NDST4: variants seen among roughly 807,000 people sequenced by gnomAD.
The protein encoded by NDST4 is N-deacetylase and N-sulfotransferase 4, also known as N-heparan sulfate sulfotransferase 4.
A neutral mutation model predicts 100.8 loss-of-function variants in NDST4; 63 were observed. The ratio of observed to expected loss-of-function variants is 0.62; its 90% confidence interval spans 0.51 to 0.77. NDST4 has a LOEUF of 0.77. Ranked by LOEUF, NDST4 falls within the 30% of genes least tolerant of loss-of-function variation. NDST4 has a pLI of 0.00. For synonymous variants in NDST4, 377 were observed against 361.8 expected, an observed-to-expected ratio of 1.04 and a Z score of -0.48; for missense variants, 943 against 1,018.4, an observed-to-expected ratio of 0.93 and a Z score of 1.01.
rs183778808 is a variant in NDST4, at chr4:114,979,639, T to C, written c.979-2365A>G. Among the ~76,000 whole-genome samples the C allele has an allele frequency of 5.3e-5, 8 of 152,088 alleles. No homozygotes were observed. The East Asian group carries it at 1.6e-3, about 30-fold the overall frequency. On this transcript the variant is annotated intron_variant, in intron 2 of 13. Coordinates refer to ENST00000264363, the MANE Select transcript of NDST4 (RefSeq NM_022569.3). ...TCTAGCATTTCACCAGGATGTTTTA[T>C]AACACAGATGTTTTATAGCCTTGTG... is the stretch of plus-strand genomic sequence containing the variant.
intron 2 of NDST4, among the ~76,000 whole-genome samples, chr4:115,011,870 G>A (rs1030375618): frequency 6.6e-6 from 1 of 151,834 alleles, no homozygotes; most frequent in Non-Finnish European, 1.5e-5. Flanking sequence ...AGTTCATGAA[G>A]CAGTGTTAAT....
rs1190747749 is a variant in NDST4, at chr4:115,060,175, T to A, written c.978+15884A>T. ...AGGGTAAGTGCTATATGGATGCCAATCAATGTGTTCCTTCTTTCTACAAAA... is the reference window on the plus strand; with the variant it reads ...AGGGTAAGTGCTATATGGATGCCAAACAATGTGTTCCTTCTTTCTACAAAA... On this transcript the variant is annotated intron_variant, in intron 2 of 13. Transcript: ENST00000264363. Among the ~76,000 whole-genome samples, 3 of 151,996 alleles carry A rather than the reference T, an allele frequency of 2.0e-5. 1 individual carries two copies. The highest frequency in any genetic ancestry group is 7.2e-5 in the African/African-American group (3 of 41,386).
intron 6 of NDST4, among the ~76,000 whole-genome samples, chr4:114,893,672 T>C (rs1030135303): frequency 6.6e-6 from 1 of 152,214 alleles, no homozygotes; most frequent in African/African-American, 2.4e-5. Flanking sequence ...TGCAAACATT[T>C]TGTCCCCTTC....
intron 2 of NDST4, among the ~76,000 whole-genome samples, chr4:115,034,130 G>A (rs1219763648): frequency 3.9e-5 from 6 of 151,976 alleles, no homozygotes; most frequent in South Asian, 4.2e-4. Context: ...GACCACACTC[G>A]GATCCTGCTT....
At chr4:114,889,096 T>C (rs1344219830) in intron 6 of NDST4, among the ~76,000 whole-genome samples, 1 of 152,186 alleles carries the variant, frequency 6.6e-6, no homozygotes, top group Non-Finnish European at 1.5e-5. Context: ...CTTGATGGTA[T>C]AAAATATACA....
At chr4:114,863,308 GC>G (rs1723955953) in intron 7 of NDST4, among the ~76,000 whole-genome samples, 1 of 152,166 alleles carries the variant, frequency 6.6e-6, no homozygotes, top group Non-Finnish European at 1.5e-5. Flanking sequence ...TTTTATTTAG[GC>G]CCTGCTGAAG....
chr4:114,968,727 G>A (rs1002744503), intron 4 of NDST4, among the ~76,000 whole-genome samples: 1 of 152,082 alleles, frequency 6.6e-6, no homozygotes, highest in Non-Finnish European at 1.5e-5. Context: ...GCTTACTTTT[G>A]ATTTGAATTA....
rs1578445022 is a variant in NDST4, at chr4:115,003,429, T to G, written c.979-26155A>C. On this transcript the variant is annotated intron_variant, in intron 2 of 13. Coordinates refer to ENST00000264363, the MANE Select transcript of NDST4 (RefSeq NM_022569.3). ...GATTACAAGGTCATCTCTCACCATG[T>G]TCCTAAACCTAGTGTCTATTATTCT... Among the ~76,000 whole-genome samples the G allele has an allele frequency of 2.0e-5, 3 of 152,158 alleles. No individual in the cohort carries two copies. The East Asian group carries it at 5.8e-4, about 29-fold the overall frequency.
At chr4:115,104,422 C>A (rs1298253127) in intron 1 of NDST4, among the ~76,000 whole-genome samples, 1 of 152,002 alleles carries the variant, frequency 6.6e-6, no homozygotes. Flanking sequence ...CTTCACCTAC[C>A]TCTCAGCTCT....
chr4:115,030,224 C>T (rs1351708892), intron 2 of NDST4, among the ~76,000 whole-genome samples: 1 of 152,110 alleles, frequency 6.6e-6, no homozygotes, highest in East Asian at 1.9e-4. Context: ...TGTCTACCAG[C>T]AAGCCAGAAG....
chr4:114,945,884 G>C (rs1048148702), intron 4 of NDST4, among the ~76,000 whole-genome samples: 8 of 152,158 alleles, frequency 5.3e-5, no homozygotes, highest in Non-Finnish European at 1.2e-4. Context: ...AATTGGCTGG[G>C]TGAGTCTTGA....
At chr4:114,964,268 GGCA>G (rs1256529744) in intron 4 of NDST4, among the ~76,000 whole-genome samples, 1 of 152,122 alleles carries the variant, frequency 6.6e-6, no homozygotes, top group East Asian at 1.9e-4. Flanking sequence ...ATGTGAGCTT[GGCA>G]GCAGGTCCAC....
At chr4:115,070,260 C>T (rs1260679374) in intron 2 of NDST4, among the ~76,000 whole-genome samples, 3 of 152,140 alleles carry the variant, frequency 2.0e-5, no homozygotes, top group Non-Finnish European at 4.4e-5. Context: ...ATATCCTCTG[C>T]AGGAACATGG....
At chr4:114,860,893 A>G (rs1251509538) in intron 7 of NDST4, among the ~76,000 whole-genome samples, 1 of 152,224 alleles carries the variant, frequency 6.6e-6, no homozygotes, top group Non-Finnish European at 1.5e-5. Flanking sequence ...CAAAATTTCA[A>G]GGAAAGCAAC....
chr4:115,052,503 T>C (rs1349317120), intron 2 of NDST4, among the ~76,000 whole-genome samples: 2 of 152,042 alleles, frequency 1.3e-5, no homozygotes, highest in Non-Finnish European at 2.9e-5. Flanking sequence ...AACTGAATCA[T>C]GGGGGCGAGT....
At chr4:114,960,013 G>A (rs896638212) in intron 4 of NDST4, among the ~76,000 whole-genome samples, 10 of 152,020 alleles carry the variant, frequency 6.6e-5, no homozygotes, top group African/African-American at 2.4e-4. Flanking sequence ...GAAAACAAAG[G>A]CAATCAGCAA....
chr4:114,929,066 GTCCGTCCGTCCATCCATCCATCCA>G (rs1476296956), intron 6 of NDST4, among the ~76,000 whole-genome samples: 1 of 99,204 alleles, frequency 1.0e-5, no homozygotes, highest in South Asian at 4.0e-4. Flanking sequence ...CCGTCCGTCC[GTCCGTCCGTCCATCCATCCATCCA>G]TCCATCCATC....
intron 7 of NDST4, among the ~76,000 whole-genome samples, chr4:114,857,296 A>T (rs929408207): frequency 1.3e-5 from 2 of 152,194 alleles, no homozygotes; most frequent in Middle Eastern, 6.3e-3. Context: ...CACTAATGTG[A>T]TCAAGTGGCC....
intron 6 of NDST4, among the ~76,000 whole-genome samples, chr4:114,909,102 T>C (rs961195612): frequency 9.2e-5 from 14 of 152,166 alleles, no homozygotes; most frequent in African/African-American, 3.4e-4. Context: ...ATTCTATAAA[T>C]TGAAATACAT....
Sources: gnomAD v4.1 joint callset for allele counts (sites outside exome capture counted in the v4.1 genomes callset) on GRCh38, gnomAD v4.1.1 for gene constraint, MANE v1.5 for transcripts, NCBI Gene and HGNC (gene_info 2026-07-23, HGNC 2026-07-21) for gene names.